The following SPRTN variants were observed in gnomAD, a reference collection of about 807,000 sequenced individuals.
SPRTN encodes the protein SprT-like N-terminal domain, also known as DNA-dependent metalloprotease SPRTN.
A neutral mutation model predicts 31.9 loss-of-function variants in SPRTN; 11 were observed. The observed-to-expected ratio is 0.34, with a 90% confidence interval of 0.22 to 0.57. SPRTN has a LOEUF of 0.57. Ranked by LOEUF, SPRTN falls within the 20% of genes least tolerant of loss-of-function variation. The pLI, the probability that SPRTN is intolerant of heterozygous loss-of-function variation, is 0.86. For synonymous variants in SPRTN, 185 were observed against 212.1 expected (o/e 0.87, Z 1.11); for missense variants, 482 against 590.1 (o/e 0.82, Z 1.90).
chr1:231,351,169 G>C (rs1318354573), intron 3 of SPRTN, 135 bp from the exon 4 acceptor site: 2 of 1,084,716 alleles, frequency 1.8e-6, no homozygotes, highest in Non-Finnish European at 2.2e-6. Context: ...TCCTAAAATA[G>C]AACTTTTCAG....
At chr1:231,343,297 G>A (rs1395819293) in intron 2 of SPRTN, among the ~76,000 whole-genome samples, 1 of 151,462 alleles carries the variant, frequency 6.6e-6, no homozygotes, top group African/African-American at 2.4e-5. Flanking sequence ...TATAGCCTAG[G>A]TATATATACT....
At chr1:231,352,338 A>T in intron 4 of SPRTN, 1 of 1,130,126 alleles carries the variant, frequency 8.8e-7, no homozygotes, top group Non-Finnish European at 1.1e-6. Context: ...GCAATTTTCA[A>T]GGTAAATGTT....
At chr1:231,338,771 C>T (rs1052568581) in intron 1 of SPRTN, among the ~76,000 whole-genome samples, 167 bp downstream of exon 1, 1 of 152,182 alleles carries the variant, frequency 6.6e-6, no homozygotes, top group Non-Finnish European at 1.5e-5. Flanking sequence ...TTCTGTCTTC[C>T]TTACCTTTTC....
At chr1:231,338,765 G>T (rs1686769538) in intron 1 of SPRTN, among the ~76,000 whole-genome samples, 161 bp downstream of exon 1, 1 of 152,182 alleles carries the variant, frequency 6.6e-6, no homozygotes, top group Admixed American at 6.5e-5. Flanking sequence ...GCGTGTTTCT[G>T]TCTTCCTTAC....
chr1:231,345,963 A>G (rs909097829), intron 2 of SPRTN, among the ~76,000 whole-genome samples: 1 of 151,752 alleles, frequency 6.6e-6, no homozygotes, highest in South Asian at 2.1e-4. Context: ...CAGATGCACA[A>G]GCTAATTGTT....
Position 231,354,089 on chromosome 1 carries a change from TG to T in SPRTN, c.*730del. Reference sequence around the variant, plus strand: ...GCTGTTTTCTCAAAATTTAGCAGAGTGGTTAAAATTCTGTGCTGATAAGTAA... The same window carrying T: ...GCTGTTTTCTCAAAATTTAGCAGAGTGTTAAAATTCTGTGCTGATAAGTAA... On this transcript the variant is annotated 3_prime_UTR_variant, in exon 5 of 5. Coordinates refer to ENST00000295050, the MANE Select transcript of SPRTN (RefSeq NM_032018.7). 1.0e-6 allele frequency: 1 copy of T among 984,338 alleles called. No individual in the cohort carries two copies. The highest frequency in any genetic ancestry group is 1.2e-6 in the Non-Finnish European group (1 of 828,982). 61.0% of individuals were successfully genotyped at this position (984,338 alleles called of 1,614,324 possible). A position where few individuals can be genotyped will look rare whatever the true frequency, so the allele number is the denominator to read the frequency against.
rs1687233952 is a variant in SPRTN, at chr1:231,351,424, C to A, written c.571C>A (p.Pro191Thr). Residue 191 changes from proline to threonine, a missense_variant, in exon 4 of 5, where the codon CCC (proline) becomes ACC (threonine). Physicochemically the swap from Pro to Thr is conservative, Grantham distance 38 (BLOSUM62 -1). Coordinates refer to ENST00000295050, the MANE Select transcript of SPRTN (RefSeq NM_032018.7). ...GYVKRATNRE[P>T]SAHDYWWAEH... ...TGTCAAACGAGCTACTAACAGGGAACCCTCTGCTCATGACTATTGGTGGGC... is the reference window on the plus strand; with the variant it reads ...TGTCAAACGAGCTACTAACAGGGAAACCTCTGCTCATGACTATTGGTGGGC... 1 of 1,613,986 alleles carries A rather than the reference C, an allele frequency of 6.2e-7. No individual in the cohort carries two copies.
At chr1:231,346,337 C>T (rs1387473994) in intron 2 of SPRTN, among the ~76,000 whole-genome samples, 2 of 150,144 alleles carry the variant, frequency 1.3e-5, no homozygotes, top group African/African-American at 4.9e-5. Context: ...GGACTACAGG[C>T]GGGCGCAACT....
At chr1:231,338,669 G>C (rs1043987116) in intron 1 of SPRTN, 65 bp downstream of exon 1, 1 of 1,592,476 alleles carries the variant, frequency 6.3e-7, no homozygotes, top group African/African-American at 1.3e-5. Context: ...CCCCGGCCCT[G>C]GTTTTCTCTC....
In SPRTN at chr1:231,338,305, C is replaced by A. The variant is rs1410008680; in HGVS notation, c.-79C>A. On this transcript the variant is annotated 5_prime_UTR_variant, in exon 1 of 5. Transcript: ENST00000295050. ...TCTCCTAGGAGCTAGTCCTGGTCCTCGGCTAGGCGGCTTGGGGTCGCGGCG... is the reference window on the plus strand; with the variant it reads ...TCTCCTAGGAGCTAGTCCTGGTCCTAGGCTAGGCGGCTTGGGGTCGCGGCG... 1 of 1,514,106 alleles carries A rather than the reference C, an allele frequency of 6.6e-7. No homozygotes were observed. The highest frequency in any genetic ancestry group is 9.0e-7 in the Non-Finnish European group (1 of 1,105,676). 93.8% of individuals were successfully genotyped at this position (1,514,106 alleles called of 1,614,324 possible).
Position 231,353,508 on chromosome 1 carries a change from C to T in SPRTN, c.*147C>T. 1 of 1,363,688 alleles carries T rather than the reference C, an allele frequency of 7.3e-7. No homozygotes were observed. Among genetic ancestry groups the T allele is most frequent in the Non-Finnish European group, 9.4e-7 (1 of 1,065,344 alleles). 84.5% of individuals were successfully genotyped at this position (1,363,688 alleles called of 1,614,324 possible). A position where few individuals can be genotyped will look rare whatever the true frequency, so the allele number is the denominator to read the frequency against. ...GAAAGTGTCCTATTTTATATATACG[C>T]ATATAAGATTGTAATTTTAAGATGT... On this transcript the variant is annotated 3_prime_UTR_variant, in exon 5 of 5. Coordinates refer to ENST00000295050, the MANE Select transcript of SPRTN (RefSeq NM_032018.7).
rs1687246025 is a variant in SPRTN, at chr1:231,351,778, G to T, written c.718+207G>T. On this transcript the variant is annotated intron_variant, in intron 4 of 4. Coordinates refer to ENST00000295050, the MANE Select transcript of SPRTN (RefSeq NM_032018.7). ...TTGCTCTGTACAGAAGTAAGTAAAA[G>T]TAGGAATAGTTTCCATGGATATTTT... 21 of 1,202,148 alleles carry T rather than the reference G, an allele frequency of 1.7e-5. 1 individual carries two copies. The South Asian group carries it at 8.1e-4, about 46-fold the overall frequency. 74.5% of individuals were successfully genotyped at this position (1,202,148 alleles called of 1,614,324 possible).
At chr1:231,343,210 T>C (rs1294790521) in intron 2 of SPRTN, among the ~76,000 whole-genome samples, 1 of 152,014 alleles carries the variant, frequency 6.6e-6, no homozygotes, top group Non-Finnish European at 1.5e-5. Flanking sequence ...ATAGCCTAGG[T>C]ATATACACTC....
chr1:231,344,651 A>G, intron 2 of SPRTN: 1 of 257,374 alleles, frequency 3.9e-6, no homozygotes, highest in South Asian at 4.1e-5. Context: ...AAATTCATTA[A>G]TGACAGTCTA....
At chr1:231,339,389 G>T in intron 1 of SPRTN, 2 of 447,590 alleles carry the variant, frequency 4.5e-6, no homozygotes, top group South Asian at 4.2e-5. Context: ...GATTGCCTTT[G>T]AGCTGTTGCA....
At chr1:231,341,494 A>G (rs927840332) in intron 2 of SPRTN, among the ~76,000 whole-genome samples, 1 of 152,166 alleles carries the variant, frequency 6.6e-6, no homozygotes, top group Non-Finnish European at 1.5e-5. Flanking sequence ...GGAGCATTTC[A>G]GATTTTGGAT....
intron 2 of SPRTN, among the ~76,000 whole-genome samples, chr1:231,341,813 C>G (rs952257292): frequency 2.0e-5 from 3 of 152,154 alleles, no homozygotes; most frequent in Non-Finnish European, 4.4e-5. Context: ...ATGGTGAAAC[C>G]CCGTCTCTAC....
Position 231,352,678 on chromosome 1 carries a change from A to G in SPRTN, c.787A>G (p.Thr263Ala), listed in dbSNP as rs1391939510. The change falls in exon 5 of 5, where the codon ACA becomes GCA. Residue 263 changes from threonine (T) to alanine (A), a missense_variant. Physicochemically the swap from Thr to Ala is moderately conservative, Grantham distance 58. This residue lies in a region of SPRTN where 325 missense variants were observed against 350.2 expected (regional missense o/e 0.93). Coordinates refer to ENST00000295050, the MANE Select transcript of SPRTN (RefSeq NM_032018.7). ...TGGGAAAGGATATGTTCTAGGAGAAACAAGCAATTTACCTTCACCTGGGAA... is the reference window on the plus strand; with the variant it reads ...TGGGAAAGGATATGTTCTAGGAGAAGCAAGCAATTTACCTTCACCTGGGAA... ...FSGKGYVLGE[T>A]SNLPSPGKLI... 2 of 1,613,832 alleles carry G rather than the reference A, an allele frequency of 1.2e-6. No homozygotes were observed. The highest frequency in any genetic ancestry group is 1.7e-6 in the Non-Finnish European group (2 of 1,179,886).
chr1:231,339,385 C>T (rs1210200019), intron 1 of SPRTN: 9 of 443,976 alleles, frequency 2.0e-5, no homozygotes, highest in Non-Finnish European at 4.3e-6. Context: ...ATAGGATTGC[C>T]TTTGAGCTGT....
Sources: gnomAD v4.1 joint callset for allele counts (sites outside exome capture counted in the v4.1 genomes callset) on GRCh38, gnomAD v4.1.1 for gene constraint, gnomAD v4.1.1 regional missense constraint, MANE v1.5 for transcripts, NCBI Gene and HGNC (gene_info 2026-07-23, HGNC 2026-07-21) for gene names.